PTCHD4: variants seen among roughly 807,000 people sequenced by gnomAD.
PTCHD4 encodes the protein patched domain containing 4.
PTCHD4 carries 33 observed loss-of-function variants against 58.1 expected under a neutral mutation model. The ratio of observed to expected loss-of-function variants is 0.57; its 90% confidence interval spans 0.43 to 0.76. The LOEUF (loss-of-function observed/expected upper bound fraction) is 0.76. PTCHD4 is among the 30% of genes least tolerant of loss of function. PTCHD4 has a pLI of 0.00. For synonymous variants in PTCHD4, 478 were observed against 409.6 expected, an observed-to-expected ratio of 1.17 and a Z score of -2.02; for missense variants, 1,058 against 1,027.1, an observed-to-expected ratio of 1.03 and a Z score of -0.41.
At chr6:48,053,931 T>C (rs77791320) in intron 3 of PTCHD4, among the ~76,000 whole-genome samples, 109 of 152,268 alleles carry the variant, frequency 7.2e-4, no homozygotes, top group African/African-American at 2.5e-3. Flanking sequence ...AAGCTGAGTT[T>C]CAGGGAAAGC....
At position 47,865,769 on chromosome 6, in the gene PTCHD4, C is replaced by A. The variant is rs879677495; in HGVS notation, c.*12534G>T. 6.6e-6 allele frequency among the ~76,000 whole-genome samples: 1 copy of A among 151,730 alleles called. No individual in the cohort carries two copies. The highest frequency in any genetic ancestry group is 2.4e-5 in the African/African-American group (1 of 41,346). The stretch of plus-strand genomic sequence containing the variant: ...ACACTTAGAACATTGCAGATTAATA[C>A]TTCTAAATTTTGAATCTAATAATAA... On this transcript the variant is annotated 3_prime_UTR_variant, in exon 5 of 5. Transcript: ENST00000339488.
At chr6:48,029,790 G>A (rs1763372083) in intron 3 of PTCHD4, among the ~76,000 whole-genome samples, 1 of 152,092 alleles carries the variant, frequency 6.6e-6, no homozygotes, top group Non-Finnish European at 1.5e-5. Flanking sequence ...TTTGACTAGA[G>A]TATTATACTT....
intron 4 of PTCHD4, among the ~76,000 whole-genome samples, chr6:47,975,660 C>T (rs772952450): frequency 5.3e-5 from 8 of 152,268 alleles, no homozygotes; most frequent in South Asian, 2.1e-4. Context: ...CACCCACCTG[C>T]GCCTCTTCCT....
At position 48,009,046 on chromosome 6, in the gene PTCHD4, C is replaced by T. The variant is rs1234303912; in HGVS notation, c.486G>A (p.Gln162=). 2 of 1,613,896 alleles carry T rather than the reference C, an allele frequency of 1.2e-6. No homozygotes were observed. Among genetic ancestry groups the T allele is most frequent in the Admixed American group, 1.7e-5 (1 of 59,980 alleles). The change falls in exon 4 of 5, where the codon CAG becomes CAA. Residue 162 remains glutamine (Q), a synonymous_variant. Transcript: ENST00000339488. The part of the protein sequence containing the change: ...GVVEVPNSKD[Q]RVKSARAIQI... ...GAATGGCTCTGGCTGACTTGACCCG[C>T]TGATCTTTGCTGTTTGGCACTTCCA... is the stretch of plus-strand genomic sequence containing the variant.
At chr6:47,889,432 G>T (rs1286600363) in intron 4 of PTCHD4, among the ~76,000 whole-genome samples, 2 of 150,630 alleles carry the variant, frequency 1.3e-5, no homozygotes, top group African/African-American at 2.4e-5. Flanking sequence ...TTTTTCATGT[G>T]TTTTTTGGCT....
chr6:48,059,708 C>T (rs927641308), intron 3 of PTCHD4, among the ~76,000 whole-genome samples: 4 of 152,090 alleles, frequency 2.6e-5, no homozygotes, highest in Non-Finnish European at 4.4e-5. Context: ...AGATGTAACA[C>T]AATCTGGATA....
At chr6:48,063,335 T>C (rs1764695724) in intron 3 of PTCHD4, among the ~76,000 whole-genome samples, 1 of 152,194 alleles carries the variant, frequency 6.6e-6, no homozygotes, top group Non-Finnish European at 1.5e-5. Flanking sequence ...CACCTTCCTA[T>C]GAGCCAGTCA....
chr6:47,878,926 A>G lies in PTCHD4; in HGVS notation c.1909T>C (p.Phe637Leu). 6.2e-7 allele frequency: 1 copy of G among 1,613,416 alleles called. No individual in the cohort carries two copies. The highest frequency in any genetic ancestry group is 1.1e-5 in the South Asian group (1 of 91,076). ...ACAAAGGAGGGGTTGAACACGATGA[A>G]TCGGATGCTCTTTGAGAGGGATAGG... ...RPLSLSKSIR[F>L]IVFNPSFVFM... Residue 637 changes from phenylalanine (F) to leucine (L), a missense_variant, in exon 5 of 5, where the codon TTC becomes CTC. By Grantham distance (22) the Phe-to-Leu change is conservative. Transcript: ENST00000339488.
chr6:47,964,751 A>T (rs897237972), intron 4 of PTCHD4, among the ~76,000 whole-genome samples: 1 of 152,306 alleles, frequency 6.6e-6, no homozygotes, highest in East Asian at 1.9e-4. Context: ...GTTATGTCAA[A>T]ACCAAAGTTC....
At position 48,111,161 on chromosome 6, in the gene PTCHD4, T is replaced by A. The variant is rs1389775178; in HGVS notation, c.-1082A>T. Among the ~76,000 whole-genome samples the A allele has an allele frequency of 6.6e-6, 1 of 152,106 alleles. No homozygotes were observed. Among genetic ancestry groups the A allele is most frequent in the African/African-American group, 2.4e-5 (1 of 41,418 alleles). Reference sequence around the variant, plus strand: ...TTCTCTGCCATACTGTGGTTGGTAGTGGCTGCATCCCTCTACCGATGGCCA... The same window carrying A: ...TTCTCTGCCATACTGTGGTTGGTAGAGGCTGCATCCCTCTACCGATGGCCA... On this transcript the variant is annotated 5_prime_UTR_variant, in exon 1 of 5. Coordinates refer to ENST00000339488, the MANE Select transcript of PTCHD4 (RefSeq NM_001384253.1).
intron 4 of PTCHD4, among the ~76,000 whole-genome samples, chr6:47,951,342 G>C (rs1029607705): frequency 6.6e-6 from 1 of 152,164 alleles, no homozygotes; most frequent in African/African-American, 2.4e-5. Context: ...AGTGGGGTTT[G>C]ATATCAGCCT....
Position 47,860,341 on chromosome 6 carries a change from T to A in PTCHD4, c.*17962A>T, listed in dbSNP as rs1581791445. Among the ~76,000 whole-genome samples, 8 of 152,118 alleles carry A rather than the reference T, an allele frequency of 5.3e-5. 1 individual carries two copies. Among genetic ancestry groups the A allele is most frequent in the Admixed American group, 5.2e-4 (8 of 15,262 alleles). ...GAAAGAAATATATAAAACTGTCAATTAAGAAAAGACAAAGAAATATATGAC... is the reference window on the plus strand; with the variant it reads ...GAAAGAAATATATAAAACTGTCAATAAAGAAAAGACAAAGAAATATATGAC... On this transcript the variant is annotated 3_prime_UTR_variant, in exon 5 of 5. Transcript: ENST00000339488.
At chr6:47,996,752 A>G (rs990746383) in intron 4 of PTCHD4, among the ~76,000 whole-genome samples, 3 of 152,238 alleles carry the variant, frequency 2.0e-5, no homozygotes, top group African/African-American at 7.2e-5. Context: ...CGCAAACATG[A>G]AAAGGTACAA....
chr6:47,970,935 A>G (rs1226182983), intron 4 of PTCHD4, among the ~76,000 whole-genome samples: 1 of 152,188 alleles, frequency 6.6e-6, no homozygotes, highest in Non-Finnish European at 1.5e-5. Flanking sequence ...CTCAGGTGTG[A>G]ATATCAAACT....
In PTCHD4 at chr6:47,874,396, A is replaced by G. The variant is rs985350238; in HGVS notation, c.*3907T>C. 4.0e-5 allele frequency among the ~76,000 whole-genome samples: 6 copies of G among 151,784 alleles called. No homozygotes were observed. The highest frequency in any genetic ancestry group is 3.3e-4 in the Admixed American group (5 of 15,192). ...GTCTTTAATAACCTATGTACTATTA[A>G]TAACAAAGCATGCATAGTGCCGTGC... On this transcript the variant is annotated 3_prime_UTR_variant, in exon 5 of 5. Transcript: ENST00000339488.
intron 4 of PTCHD4, among the ~76,000 whole-genome samples, chr6:47,955,559 G>A (rs1368268486): frequency 6.6e-6 from 1 of 152,214 alleles, no homozygotes. Flanking sequence ...AGTTTTCCTG[G>A]AGTGTAGGAA....
rs557254459 is a variant in PTCHD4, at chr6:48,099,350, G to A, written c.-970+11699C>T. Among the ~76,000 whole-genome samples, 15 of 152,236 alleles carry A rather than the reference G, an allele frequency of 9.9e-5. No homozygotes were observed. The East Asian group carries it at 2.1e-3, about 22-fold the overall frequency. ...TTTAGGAATTTCTGTTCTAGAACTT[G>A]GTATCATTGCTGTTTGCACTTCCTG... On this transcript the variant is annotated intron_variant, in intron 1 of 4. Coordinates refer to ENST00000339488, the MANE Select transcript of PTCHD4 (RefSeq NM_001384253.1).
intron 1 of PTCHD4, among the ~76,000 whole-genome samples, chr6:48,107,728 T>A (rs1487512051): frequency 6.6e-6 from 1 of 152,088 alleles, no homozygotes; most frequent in Non-Finnish European, 1.5e-5. Context: ...ATCCAGAATC[T>A]ACAATGAACT....
intron 3 of PTCHD4, among the ~76,000 whole-genome samples, chr6:48,060,672 A>G (rs1030693666): frequency 5.9e-5 from 9 of 152,092 alleles, no homozygotes; most frequent in African/African-American, 2.2e-4. Flanking sequence ...ATGGGGTTTC[A>G]CCATGCTGCC....
Sources: allele counts gnomAD v4.1 joint callset (sites outside exome capture counted in the v4.1 genomes callset), GRCh38; gene constraint gnomAD v4.1.1; transcripts MANE v1.5; gene names NCBI Gene and HGNC (gene_info 2026-07-23, HGNC 2026-07-21).